FRMD4A: variants seen among roughly 807,000 people sequenced by gnomAD.
FRMD4A encodes the protein FERM domain-containing protein 4A.
Under a neutral mutation model 129.1 loss-of-function variants are expected in FRMD4A, and 29 were observed. The observed-to-expected ratio is 0.22, with a 90% CI of 0.17 to 0.31. FRMD4A has a LOEUF of 0.31. FRMD4A is among the 10% of genes least tolerant of loss of function. FRMD4A has a pLI of 1.00. For synonymous variants in FRMD4A, 634 were observed against 571.6 expected (o/e 1.11, Z -1.56); for missense variants, 1,272 against 1,375.8 (o/e 0.92, Z 1.19).
intron 2 of FRMD4A, among the ~76,000 whole-genome samples, chr10:14,272,640 G>A (rs558709770): frequency 2.0e-4 from 30 of 152,144 alleles, no homozygotes; most frequent in Non-Finnish European, 3.8e-4. Context: ...TCATGGTTCT[G>A]CAGGCTGTAC....
chr10:14,062,376 G>C (rs1434981826), intron 2 of FRMD4A, among the ~76,000 whole-genome samples: 1 of 152,192 alleles, frequency 6.6e-6, no homozygotes, highest in African/African-American at 2.4e-5. Flanking sequence ...AGTTGGGAGT[G>C]GGGTGGGATT....
chr10:13,649,920 A>T lies in FRMD4A; in HGVS notation c.*2+1983T>A, dbSNP rs1048507879. ...TCACTGGAACATGAGCTGGGGCAGG[A>T]TGAAGATCTAGGTGTGCTCTCTCAA... On this transcript the variant is annotated intron_variant, in intron 24 of 24. Coordinates refer to ENST00000357447, the MANE Select transcript of FRMD4A (RefSeq NM_018027.5). Among the ~76,000 whole-genome samples the T allele has an allele frequency of 2.0e-5, 3 of 152,214 alleles. No individual in the cohort carries two copies. The South Asian group carries it at 6.2e-4, about 32-fold the overall frequency.
chr10:14,305,025 G>A (rs1046705483), intron 2 of FRMD4A, among the ~76,000 whole-genome samples: 7 of 152,160 alleles, frequency 4.6e-5, no homozygotes, highest in Non-Finnish European at 1.0e-4. Context: ...GGCTGGGATC[G>A]CTGCCTTAAT....
intron 2 of FRMD4A, among the ~76,000 whole-genome samples, chr10:13,990,676 C>T (rs1383213109): frequency 6.6e-6 from 1 of 152,128 alleles, no homozygotes; most frequent in African/African-American, 2.4e-5. Context: ...ACAATGGGAG[C>T]CCCAGCAGGC....
chr10:13,838,544 G>GT (rs1256820349), intron 3 of FRMD4A, among the ~76,000 whole-genome samples: 1 of 151,820 alleles, frequency 6.6e-6, no homozygotes, highest in African/African-American at 2.4e-5. Context: ...CCAGGCTGGA[G>GT]TGTAGTGGCA....
chr10:13,736,793 C>G (rs1225646700), intron 12 of FRMD4A, among the ~76,000 whole-genome samples: 1 of 152,230 alleles, frequency 6.6e-6, no homozygotes, highest in Non-Finnish European at 1.5e-5. Context: ...GTTTGGACTG[C>G]ATACCATCTC....
intron 2 of FRMD4A, among the ~76,000 whole-genome samples, chr10:14,104,056 A>G (rs904016187): frequency 6.6e-6 from 1 of 152,088 alleles, no homozygotes; most frequent in Non-Finnish European, 1.5e-5. Context: ...GTCTTCTCTC[A>G]TTTTCCCCCC....
At chr10:13,830,632 C>A (rs2093775205) in intron 3 of FRMD4A, among the ~76,000 whole-genome samples, 1 of 152,164 alleles carries the variant, frequency 6.6e-6, no homozygotes. Context: ...CCCAGCATTG[C>A]CATTGAAGGC....
At chr10:13,759,944 A>G (rs1009691510) in intron 8 of FRMD4A, among the ~76,000 whole-genome samples, 1 of 152,026 alleles carries the variant, frequency 6.6e-6, no homozygotes, top group African/African-American at 2.4e-5. Flanking sequence ...AGAGTCAGCA[A>G]CTACAACCCC....
chr10:14,316,233 G>T (rs1846733620), intron 2 of FRMD4A, among the ~76,000 whole-genome samples: 1 of 152,058 alleles, frequency 6.6e-6, no homozygotes, highest in African/African-American at 2.4e-5. Context: ...ACATTTAATT[G>T]TCATTGTAAC....
chr10:13,871,174 T>TCACACTGCACGACTTCACA (rs57726284), intron 2 of FRMD4A: 1 of 166,238 alleles, frequency 6.0e-6, no homozygotes, highest in East Asian at 1.9e-4. Flanking sequence ...CTGCACGACT[T>TCACACTGCACGACTTCACA]CACTGACCTC....
Position 13,698,699 on chromosome 10 carries a change from G to A in FRMD4A, c.975+2641C>T, listed in dbSNP as rs192332355. 5.6e-3 allele frequency among the ~76,000 whole-genome samples: 853 copies of A among 152,306 alleles called. 15 individuals carry two copies. Among genetic ancestry groups the A allele is most frequent in the Non-Finnish European group, 4.5e-3 (306 of 68,016 alleles). ...CTGACCAATCACTAATTGAGGTCAGGAATTTCCTTTGCTGCTAATTGGGGA... is the reference window on the plus strand; with the variant it reads ...CTGACCAATCACTAATTGAGGTCAGAAATTTCCTTTGCTGCTAATTGGGGA... On this transcript the variant is annotated intron_variant, in intron 14 of 24. Coordinates refer to ENST00000357447, the MANE Select transcript of FRMD4A (RefSeq NM_018027.5).
chr10:13,939,855 C>G (rs1481896756), intron 2 of FRMD4A, among the ~76,000 whole-genome samples: 1 of 152,176 alleles, frequency 6.6e-6, no homozygotes, highest in Non-Finnish European at 1.5e-5. Flanking sequence ...ATCTCATCAC[C>G]TTAGTTGGAA....
intron 2 of FRMD4A, among the ~76,000 whole-genome samples, chr10:13,963,467 G>A (rs533920121): frequency 4.6e-5 from 7 of 152,144 alleles, no homozygotes; most frequent in African/African-American, 7.2e-5. Flanking sequence ...ATGTGGAAAC[G>A]TTTGGTTGGG....
intron 2 of FRMD4A, among the ~76,000 whole-genome samples, chr10:13,911,571 T>G (rs917466312): frequency 6.6e-6 from 1 of 152,066 alleles, no homozygotes; most frequent in Non-Finnish European, 1.5e-5. Context: ...CTCTTTTTAT[T>G]TTTATTTTGG....
chr10:13,926,352 T>G (rs1024864342), intron 2 of FRMD4A, among the ~76,000 whole-genome samples: 1 of 152,188 alleles, frequency 6.6e-6, no homozygotes, highest in Non-Finnish European at 1.5e-5. Flanking sequence ...TCTGGACCCC[T>G]TAAGGCCTGG....
In FRMD4A at chr10:14,240,431, C is replaced by T. The variant is rs182799849; in HGVS notation, c.45+89627G>A. 1.1e-4 allele frequency among the ~76,000 whole-genome samples: 16 copies of T among 152,254 alleles called. 1 individual carries two copies. The East Asian group carries it at 2.7e-3, about 26-fold the overall frequency. On this transcript the variant is annotated intron_variant, in intron 2 of 24. Transcript: ENST00000357447. ...TGGTGTATGATGATAAATAGTGCCACGATCTGCAGCGATTCCCACCCCTCC... is the reference window on the plus strand; with the variant it reads ...TGGTGTATGATGATAAATAGTGCCATGATCTGCAGCGATTCCCACCCCTCC...
intron 6 of FRMD4A, among the ~76,000 whole-genome samples, chr10:13,767,100 C>A (rs906701016): frequency 6.6e-6 from 1 of 152,006 alleles, no homozygotes; most frequent in Non-Finnish European, 1.5e-5. Flanking sequence ...AAACAAAACA[C>A]CCCTGAAAGC....
chr10:14,076,755 C>A (rs1415108278), intron 2 of FRMD4A, among the ~76,000 whole-genome samples: 3 of 152,216 alleles, frequency 2.0e-5, no homozygotes, highest in Non-Finnish European at 4.4e-5. Flanking sequence ...TTGTCTGTAT[C>A]TCTCCCCAAT....
Sources: gnomAD v4.1 joint callset for allele counts (sites outside exome capture counted in the v4.1 genomes callset) on GRCh38, gnomAD v4.1.1 for gene constraint, MANE v1.5 for transcripts, NCBI Gene and HGNC (gene_info 2026-07-23, HGNC 2026-07-21) for gene names.